Variants in WWOX observed in about 807,000 individuals in gnomAD.
WWOX encodes the protein WW domain-containing oxidoreductase.
In WWOX, 69 loss-of-function variants were observed where a neutral mutation model predicts 46.2. That is an observed-to-expected ratio of 1.49 (90% CI 1.23 to 1.82). The LOEUF is 1.82. Ranked by LOEUF, WWOX falls within the 40% of genes most tolerant of loss-of-function variation. The pLI, the probability that WWOX is intolerant of heterozygous loss-of-function variation, is 0.00. For missense variants in WWOX, 919 were observed against 542.6 expected (o/e 1.69, Z -6.89); for synonymous variants, 359 against 202.6 (o/e 1.77, Z -6.56).
chr16:79,020,739 G>C (rs1190543097), intron 8 of WWOX, among the ~76,000 whole-genome samples: 1 of 152,188 alleles, frequency 6.6e-6, no homozygotes, highest in Non-Finnish European at 1.5e-5. Context: ...GAAGGGTGTT[G>C]ATGTCAACAC....
At chr16:78,919,877 A>T (rs2045338504) in intron 8 of WWOX, among the ~76,000 whole-genome samples, 1 of 152,236 alleles carries the variant, frequency 6.6e-6, no homozygotes, top group African/African-American at 2.4e-5. Flanking sequence ...GCGTCTGCAG[A>T]CCAGTCTGTA....
intron 8 of WWOX, among the ~76,000 whole-genome samples, chr16:79,124,258 G>C (rs1482510932): frequency 1.3e-5 from 2 of 152,100 alleles, no homozygotes; most frequent in South Asian, 2.1e-4. Flanking sequence ...AAACGGTGCA[G>C]AGCGCTCGGC....
intron 4 of WWOX, among the ~76,000 whole-genome samples, chr16:78,133,793 G>A (rs12716849): frequency 0.65 from 98,853 of 152,166 alleles, 32,522 homozygotes; most frequent in East Asian, 0.75. Context: ...CATGTCATGC[G>A]TAGAAGTAGA....
In WWOX at chr16:78,144,523, ATT is replaced by A. The variant is rs138841166; in HGVS notation, c.410-19646_410-19645del. On this transcript the variant is annotated intron_variant, in intron 4 of 8. Coordinates refer to ENST00000566780, the MANE Select transcript of WWOX (RefSeq NM_016373.4). Reference sequence around the variant, plus strand: ...CACATATATATATATATATATATATATTTTTTTTTTTTTTTGGAGATGGAGTT... The same window carrying A: ...CACATATATATATATATATATATATATTTTTTTTTTTTTGGAGATGGAGTT... Among the ~76,000 whole-genome samples the A allele has an allele frequency of 4.1e-3, 77 of 18,624 alleles. 2 individuals carry two copies. The highest frequency in any genetic ancestry group is 0.015 in the African/African-American group (58 of 3,752). The allele number at this position is 18,624 out of a possible 152,430, so 12.2% of individuals were successfully genotyped here. A position where few individuals can be genotyped will look rare whatever the true frequency, so the allele number is the denominator to read the frequency against.
intron 8 of WWOX, among the ~76,000 whole-genome samples, chr16:78,852,515 C>T (rs1333257776): frequency 1.3e-5 from 2 of 152,120 alleles, no homozygotes; most frequent in Non-Finnish European, 2.9e-5. Flanking sequence ...GGAAGCAGTT[C>T]CTCCAACCCC....
intron 8 of WWOX, among the ~76,000 whole-genome samples, chr16:79,092,848 C>A (rs2048991369): frequency 6.6e-6 from 1 of 152,146 alleles, no homozygotes; most frequent in South Asian, 2.1e-4. Flanking sequence ...GGCCCCTCAG[C>A]CCTCATAACC....
chr16:78,604,523 G>C (rs1382478988), intron 8 of WWOX, among the ~76,000 whole-genome samples: 3 of 152,066 alleles, frequency 2.0e-5, no homozygotes, highest in South Asian at 2.1e-4. Context: ...GTAAAAATTA[G>C]AAAAATACAA....
chr16:78,897,742 G>C (rs918758577), intron 8 of WWOX: 4 of 151,748 alleles, frequency 2.6e-5, no homozygotes, highest in African/African-American at 9.7e-5. Flanking sequence ...TAAGAATGCT[G>C]CCAAACAGTT....
intron 8 of WWOX, among the ~76,000 whole-genome samples, chr16:78,453,611 C>T (rs2083743910): frequency 6.6e-6 from 1 of 151,868 alleles, no homozygotes; most frequent in South Asian, 2.1e-4. Flanking sequence ...GAGATAAAAC[C>T]AGCTACTTCA....
intron 8 of WWOX, among the ~76,000 whole-genome samples, chr16:78,596,308 T>G (rs1347350728): frequency 6.6e-6 from 1 of 152,220 alleles, no homozygotes; most frequent in Non-Finnish European, 1.5e-5. Flanking sequence ...GGCTGGGTTC[T>G]GCTAGGCCTG....
intron 8 of WWOX, among the ~76,000 whole-genome samples, chr16:78,567,413 C>A (rs1036330718): frequency 6.6e-6 from 1 of 151,380 alleles, no homozygotes; most frequent in Non-Finnish European, 1.5e-5. Flanking sequence ...ATTAGCCCGG[C>A]GTGGTGGCGG....
At chr16:79,112,790 G>A (rs557969947) in intron 8 of WWOX, among the ~76,000 whole-genome samples, 3 of 152,200 alleles carry the variant, frequency 2.0e-5, no homozygotes, top group Non-Finnish European at 2.9e-5. Flanking sequence ...TCGCCGCCTC[G>A]TTTTACAGAT....
At chr16:78,839,909 G>A (rs1429210216) in intron 8 of WWOX, among the ~76,000 whole-genome samples, 4 of 152,154 alleles carry the variant, frequency 2.6e-5, no homozygotes, top group East Asian at 3.8e-4. Context: ...GCAGGTAAGC[G>A]CACAAATCCT....
chr16:78,836,840 G>A (rs2051998725), intron 8 of WWOX, among the ~76,000 whole-genome samples: 2 of 152,160 alleles, frequency 1.3e-5, no homozygotes, highest in South Asian at 4.1e-4. Flanking sequence ...GGACTGAGAT[G>A]AAACAGAATC....
chr16:79,031,810 A>C (rs76187616), intron 8 of WWOX, among the ~76,000 whole-genome samples: 5,732 of 135,864 alleles, frequency 0.042, 158 homozygotes, highest in Non-Finnish European at 0.06. Flanking sequence ...ATATCTATAT[A>C]ATATATATAA....
chr16:78,522,185 A>G (rs1339034246), intron 8 of WWOX, among the ~76,000 whole-genome samples: 1 of 151,198 alleles, frequency 6.6e-6, no homozygotes, highest in Non-Finnish European at 1.5e-5. Context: ...TTTGAGATTT[A>G]TTCATCTTTG....
At chr16:78,814,932 A>G (rs1380028146) in intron 8 of WWOX, among the ~76,000 whole-genome samples, 1 of 152,116 alleles carries the variant, frequency 6.6e-6, no homozygotes, top group African/African-American at 2.4e-5. Flanking sequence ...AGCTGACCAT[A>G]GTTGGCTCTC....
intron 5 of WWOX, among the ~76,000 whole-genome samples, chr16:78,229,317 T>A (rs990009792): frequency 6.6e-6 from 1 of 151,274 alleles, no homozygotes; most frequent in East Asian, 1.9e-4. Context: ...AACCTACAAT[T>A]CCTGACTCTT....
chr16:78,592,302 A>C (rs1212972981), intron 8 of WWOX, among the ~76,000 whole-genome samples: 1 of 152,186 alleles, frequency 6.6e-6, no homozygotes, highest in East Asian at 1.9e-4. Flanking sequence ...TTCTGCCAAG[A>C]TGTGGAATTT....
Sources: allele counts gnomAD v4.1 joint callset (sites outside exome capture counted in the v4.1 genomes callset), GRCh38; gene constraint gnomAD v4.1.1; transcripts MANE v1.5; gene names NCBI Gene and HGNC (gene_info 2026-07-23, HGNC 2026-07-21).